HMX1: variants seen among roughly 807,000 people sequenced by gnomAD.
HMX1 encodes homeobox protein HMX1.
HMX1 carries 8 observed loss-of-function variants against 8.9 expected under a neutral mutation model. The observed-to-expected ratio is 0.90, with a 90% CI of 0.53 to 1.63. The LOEUF (loss-of-function observed/expected upper bound fraction) is 1.63, where lower values mean the gene tolerates loss of function less well. Among genes scored for constraint, HMX1 ranks in the 40% most tolerant of loss-of-function variants. HMX1 has a pLI of 0.00. For synonymous variants in HMX1, 311 were observed against 283.4 expected (o/e 1.10, Z -0.98); for missense variants, 621 against 558.5 (o/e 1.11, Z -1.13).
Position 8,871,712 on chromosome 4 carries a change from C to G in HMX1, c.-98G>C, listed in dbSNP as rs921420619. ...GCGCACGCGCGGGCCGGCCCTGGAG[C>G]TGCTACCCGGACCGCTGGCGTCGGG... On this transcript the variant is annotated 5_prime_UTR_variant, in exon 1 of 2. Transcript: ENST00000400677. This position sits in a 1 kb window ranked among gnomAD's most constrained non-coding sequence, Gnocchi z 4.8. The G allele has an allele frequency of 9.2e-7, 1 of 1,088,796 alleles. No individual in the cohort carries two copies. The highest frequency in any genetic ancestry group is 1.1e-6 in the Non-Finnish European group (1 of 897,128). The allele number at this position is 1,088,796 out of a possible 1,614,324, so 67.4% of individuals were successfully genotyped here.
chr4:8,846,838 A>G (rs1021386356), intron 1 of HMX1, among the ~76,000 whole-genome samples: 5 of 151,970 alleles, frequency 3.3e-5, no homozygotes, highest in Admixed American at 1.3e-4. Flanking sequence ...GTCTCCTCCT[A>G]CAGGCAGTCT....
intron 1 of HMX1, among the ~76,000 whole-genome samples, chr4:8,869,923 C>G (rs1056303917): frequency 1.3e-5 from 2 of 152,148 alleles, no homozygotes; most frequent in African/African-American, 2.4e-5. Flanking sequence ...TCCATAGTCT[C>G]CCCCAGAAGG....
At chr4:8,859,945 C>T (rs369780075) in intron 1 of HMX1, among the ~76,000 whole-genome samples, 1 of 152,380 alleles carries the variant, frequency 6.6e-6, no homozygotes, top group South Asian at 2.1e-4. Flanking sequence ...TTCCCGCCAC[C>T]ATGTTGTTGG....
Position 8,847,966 on chromosome 4 carries a change from C to T in HMX1, c.395-1642G>A, listed in dbSNP as rs1348624841. 6.6e-6 allele frequency among the ~76,000 whole-genome samples: 1 copy of T among 152,162 alleles called. No homozygotes were observed. The highest frequency in any genetic ancestry group is 1.5e-5 in the Non-Finnish European group (1 of 68,028). On this transcript the variant is annotated intron_variant, in intron 1 of 1. Transcript: ENST00000506970. This position sits in a 1 kb window ranked among gnomAD's most constrained non-coding sequence, Gnocchi z 6.0. ...ACGGTAACTGGAACAGGCTCCGACT[C>T]CCTGGAGCGCCAGGTCCAGGGTGAC...
At chr4:8,866,005 C>T (rs1287046497), downstream of HMX1, among the ~76,000 whole-genome samples, 1 of 152,218 alleles carries the variant, frequency 6.6e-6, no homozygotes, top group African/African-American at 2.4e-5. Context: ...CTCAAAATGC[C>T]CACGCTGTCA....
At chr4:8,863,965 G>A (rs560578484), downstream of HMX1, among the ~76,000 whole-genome samples, 10 of 152,342 alleles carry the variant, frequency 6.6e-5, no homozygotes, top group African/African-American at 2.4e-4. Context: ...TCTGGGTATG[G>A]ACTCTGCCTT....
downstream of HMX1, among the ~76,000 whole-genome samples, chr4:8,864,878 T>C (rs541415371): frequency 6.6e-6 from 1 of 152,236 alleles, no homozygotes; most frequent in South Asian, 2.1e-4. Flanking sequence ...CATAAGACGC[T>C]CTCCAGCCCG....
intron 1 of HMX1, among the ~76,000 whole-genome samples, chr4:8,858,312 G>A (rs1721681880): frequency 6.6e-6 from 1 of 152,232 alleles, no homozygotes; most frequent in Non-Finnish European, 1.5e-5. Context: ...AGAGAGGTCC[G>A]GAGAAGCAGA....
chr4:8,871,471 G>T lies in HMX1; in HGVS notation c.144C>A (p.Asp48Glu). The change falls in exon 1 of 2, where the codon GAC becomes GAA. Residue 48 changes from aspartate to glutamate, a missense_variant. Transcript: ENST00000400677. This position sits in a 1 kb window ranked among gnomAD's most constrained non-coding sequence, Gnocchi z 4.8. ...GDGSREDEEE[D>E]DDDPEDEDAE... ...CGTCCTCGTCTTCGGGGTCGTCGTC[G>T]TCCTCCTCCTCGTCCTCCCGGCTGC... 1 of 1,341,864 alleles carries T rather than the reference G, an allele frequency of 7.5e-7. No homozygotes were observed. Among genetic ancestry groups the T allele is most frequent in the Non-Finnish European group, 9.6e-7 (1 of 1,036,566 alleles). The allele number at this position is 1,341,864 out of a possible 1,614,324, so 83.1% of individuals were successfully genotyped here.
At position 8,871,491 on chromosome 4, in the gene HMX1, G is replaced by T. The variant is rs1243290081; in HGVS notation, c.124C>A (p.Arg42=). 2.2e-6 allele frequency: 3 copies of T among 1,338,062 alleles called. No homozygotes were observed. The African/African-American group carries it at 4.7e-5, about 21-fold the overall frequency. 82.9% of individuals were successfully genotyped at this position (1,338,062 alleles called of 1,614,324 possible). A position where few individuals can be genotyped will look rare whatever the true frequency, so the allele number is the denominator to read the frequency against. ...AGRATQGDGS[R]EDEEEDDDDP... ...TCGTCGTCCTCCTCCTCGTCCTCCC[G>T]GCTGCCGTCGCCCTGGGTCGCGCGC... The change falls in exon 1 of 2, where the codon CGG becomes AGG. Residue 42 remains arginine, a synonymous_variant. Transcript: ENST00000400677. The surrounding 1 kb of genome is among the most constrained non-coding windows in gnomAD (Gnocchi z 4.8).
In HMX1 at chr4:8,848,999, T is replaced by C. The variant is rs1721358104; in HGVS notation, c.395-2675A>G. On this transcript the variant is annotated intron_variant, in intron 1 of 1. Coordinates refer to the HMX1 transcript ENST00000506970. This position sits in a 1 kb window ranked among gnomAD's most constrained non-coding sequence, Gnocchi z 4.1. ...TACCGCAGGAGCAATTCCTCCTCTC[T>C]GAACAGAGTGCAGCATCGTGGGGGT... Among the ~76,000 whole-genome samples the C allele has an allele frequency of 6.6e-6, 1 of 152,170 alleles. No individual in the cohort carries two copies. Among genetic ancestry groups the C allele is most frequent in the African/African-American group, 2.4e-5 (1 of 41,450 alleles).
intron 1 of HMX1, among the ~76,000 whole-genome samples, chr4:8,851,471 A>C (rs1267506197): frequency 6.6e-6 from 1 of 152,138 alleles, no homozygotes; most frequent in Non-Finnish European, 1.5e-5. Flanking sequence ...TACTCCTAGG[A>C]GGTCTCATGG....
chr4:8,867,955 A>G lies in HMX1; in HGVS notation c.785T>C (p.Leu262Pro). The G allele has an allele frequency of 6.7e-7, 1 of 1,503,210 alleles. No homozygotes were observed. The highest frequency in any genetic ancestry group is 8.9e-7 in the Non-Finnish European group (1 of 1,129,136). The allele number at this position is 1,503,210 out of a possible 1,614,324, so 93.1% of individuals were successfully genotyped here. The part of the protein sequence containing the change: ...QNRRNKWKRQ[L>P]AAELEAASLS... ...GCTGGCCGCCTCCAGCTCGGCTGCC[A>G]GCTGCCGCTTCCACTTGTTGCGGCG... Residue 262 changes from leucine (L) to proline (P), a missense_variant, in exon 2 of 2, where the codon CTG (leucine) becomes CCG (proline). Leu to Pro is a moderately conservative substitution (Grantham distance 98). Transcript: ENST00000400677.
In HMX1 at chr4:8,853,977, G is replaced by C. The variant is rs144183899; in HGVS notation, c.395-7653C>G. Among the ~76,000 whole-genome samples the C allele has an allele frequency of 0.023, 3,445 of 152,268 alleles. 122 individuals are homozygous for C. Among genetic ancestry groups the C allele is most frequent in the Admixed American group, 0.089 (1,368 of 15,292 alleles). The stretch of plus-strand genomic sequence containing the variant: ...GCTTTTGCGTTTACATCTTGAACCA[G>C]CCTGAGAGGAAGTGTGTGCCCTGAG... On this transcript the variant is annotated intron_variant, in intron 1 of 1. Coordinates refer to the HMX1 transcript ENST00000506970. The surrounding 1 kb of genome is among the most constrained non-coding windows in gnomAD (Gnocchi z 4.7).
At chr4:8,869,223 T>C (rs1722131228) in intron 1 of HMX1, among the ~76,000 whole-genome samples, 1 of 152,060 alleles carries the variant, frequency 6.6e-6, no homozygotes, top group African/African-American at 2.4e-5. Flanking sequence ...CCCCTACTCA[T>C]CTCCTAGGAA....
chr4:8,868,272 C>T lies in HMX1; in HGVS notation c.468G>A (p.Gly156=). 1 of 1,440,698 alleles carries T rather than the reference C, an allele frequency of 6.9e-7. No homozygotes were observed. Among genetic ancestry groups the T allele is most frequent in the Non-Finnish European group, 9.1e-7 (1 of 1,103,036 alleles). 89.2% of individuals were successfully genotyped at this position (1,440,698 alleles called of 1,614,324 possible). A position where few individuals can be genotyped will look rare whatever the true frequency, so the allele number is the denominator to read the frequency against. ...RAEGAWPRGP[G]PGAVQREAAE... ...CTGCCTCCCGCTGCACCGCTCCCGGCCCGGGGCCTCGCGGCCAGGCGCCCT... is the reference window on the plus strand; with the variant it reads ...CTGCCTCCCGCTGCACCGCTCCCGGTCCGGGGCCTCGCGGCCAGGCGCCCT... The change falls in exon 2 of 2, where the codon GGG becomes GGA. Residue 156 remains glycine (G), a synonymous_variant. Coordinates refer to ENST00000400677, the MANE Select transcript of HMX1 (RefSeq NM_018942.3). The surrounding 1 kb of genome is among the most constrained non-coding windows in gnomAD (Gnocchi z 4.6).
intron 1 of HMX1, among the ~76,000 whole-genome samples, chr4:8,861,642 G>A (rs1721826805): frequency 6.6e-6 from 1 of 152,192 alleles, no homozygotes; most frequent in South Asian, 2.1e-4. Flanking sequence ...CGCTTCAGGA[G>A]TGTCCGCCAG....
chr4:8,862,467 C>G (rs1721859810), downstream of HMX1, among the ~76,000 whole-genome samples: 1 of 152,230 alleles, frequency 6.6e-6, no homozygotes, highest in Admixed American at 6.5e-5. Context: ...TCCCACAGTT[C>G]TTAAACCGTG....
At chr4:8,854,804 G>A (rs141977967) in intron 1 of HMX1, among the ~76,000 whole-genome samples, 2,209 of 152,340 alleles carry the variant, frequency 0.015, 24 homozygotes, top group Middle Eastern at 0.027. Context: ...AGTAACAGTA[G>A]TAAGTCCAAC....
Sources: gnomAD v4.1 joint callset for allele counts (sites outside exome capture counted in the v4.1 genomes callset) on GRCh38, gnomAD v4.1.1 for gene constraint, Gnocchi (gnomAD v3.1) non-coding constraint, MANE v1.5 for transcripts, NCBI Gene and HGNC (gene_info 2026-07-23, HGNC 2026-07-21) for gene names.